The following ELF4 variants were observed in gnomAD, a reference collection of about 807,000 sequenced individuals.
ELF4 encodes ETS-related transcription factor Elf-4.
Under a neutral mutation model 31.7 loss-of-function variants are expected in ELF4, and 10 were observed. The ratio of observed to expected loss-of-function variants is 0.32; its 90% CI spans 0.19 to 0.54. ELF4 has a LOEUF of 0.54. Among genes scored for constraint, ELF4 ranks in the 20% least tolerant of loss-of-function variants. The pLI, the probability that ELF4 is intolerant of heterozygous loss-of-function variation, is 0.95. For synonymous variants in ELF4, 208 were observed against 226.7 expected (o/e 0.92, Z 0.74); for missense variants, 418 against 522.0 (o/e 0.80, Z 1.94).
chrX:130,072,822 G>A (rs976321630), intron 4 of ELF4, among the ~76,000 whole-genome samples: 2 of 112,057 alleles, frequency 1.8e-5, no homozygotes, highest in Non-Finnish European at 3.8e-5. Flanking sequence ...TGTGCCCAAG[G>A]TCACACAGCA....
In ELF4 at chrX:130,071,410, G is replaced by T; in HGVS notation, c.542C>A (p.Thr181Asn). 8.3e-7 allele frequency: 1 copy of T among 1,211,451 alleles called. No homozygotes were observed. The highest frequency in any genetic ancestry group is 1.1e-6 in the Non-Finnish European group (1 of 895,317). ...TGKSKKRIRK[T>N]KGNRSTSPVT... ...AGGTGAGGTACTTCGGTTGCCCTTG[G>T]TCTTCCGGACTATGAGGGAAAGGTG... The change falls in exon 6 of 9, where the codon ACC (threonine) becomes AAC (asparagine). Residue 181 changes from threonine (T) to asparagine (N), a missense_variant. Physicochemically the swap from Thr to Asn is moderately conservative, Grantham distance 65. Around this residue, in one of 4 missense-constraint regions of ELF4, gnomAD observed 88 missense variants for 92.4 expected, o/e 0.95. Coordinates refer to ENST00000308167, the MANE Select transcript of ELF4 (RefSeq NM_001421.4).
chrX:130,080,497 AC>A (rs1209823573), intron 2 of ELF4, among the ~76,000 whole-genome samples: 5 of 109,684 alleles, frequency 4.6e-5, no homozygotes, highest in Non-Finnish European at 9.5e-5. Context: ...TGGGATCGGA[AC>A]CCAGGGCTCC....
chrX:130,105,365 G>A (rs887841406), intron 1 of ELF4, among the ~76,000 whole-genome samples: 12 of 111,459 alleles, frequency 1.1e-4, no homozygotes, highest in African/African-American at 3.9e-4. Flanking sequence ...TCTCTTTGCC[G>A]AGAAACTCAC....
intron 1 of ELF4, among the ~76,000 whole-genome samples, chrX:130,082,132 G>C (rs972978453): frequency 1.8e-5 from 2 of 111,578 alleles, no homozygotes; most frequent in Non-Finnish European, 3.8e-5. Flanking sequence ...TTAGCTTTGA[G>C]GGGCCACATC....
chrX:130,068,840 C>T (rs1184669351), intron 8 of ELF4, among the ~76,000 whole-genome samples: 2 of 112,733 alleles, frequency 1.8e-5, no homozygotes, highest in Non-Finnish European at 3.8e-5. Flanking sequence ...GACTTCCCCT[C>T]TCTTGACCAA....
rs190859419 is a variant in ELF4, at chrX:130,086,469, C to A, written c.-209-4930G>T. Reference sequence around the variant, plus strand: ...GGAGGAGTGATTAGATGGCAGGTCCCAGGCAAAGAGATGCTTTTTCCTCTT... The same window carrying A: ...GGAGGAGTGATTAGATGGCAGGTCCAAGGCAAAGAGATGCTTTTTCCTCTT... On this transcript the variant is annotated intron_variant, in intron 1 of 8. Coordinates refer to ENST00000308167, the MANE Select transcript of ELF4 (RefSeq NM_001421.4). Among the ~76,000 whole-genome samples the A allele has an allele frequency of 3.1e-3, 346 of 112,094 alleles. 1 individual carries two copies. Among genetic ancestry groups the A allele is most frequent in the African/African-American group, 0.011 (330 of 30,835 alleles).
chrX:130,089,290 C>T (rs1933010423), intron 1 of ELF4, among the ~76,000 whole-genome samples: 1 of 107,554 alleles, frequency 9.3e-6, no homozygotes, highest in African/African-American at 3.4e-5. Flanking sequence ...ATTGCTTGAG[C>T]TCAGGAGTTC....
intron 7 of ELF4, among the ~76,000 whole-genome samples, chrX:130,070,787 A>AAAAG (rs3077208): frequency 0.073 from 6,697 of 92,111 alleles, 411 homozygotes; most frequent in South Asian, 0.13. Context: ...AAAAAAAAAA[A>AAAAG]AAAGAAAGAA....
rs1190132698 is a variant in ELF4, at chrX:130,072,172, C to G, written c.532+54G>C. Reference sequence around the variant, plus strand: ...CATCCATGAGCCCTGACCGCCCCCCCACGCCCCGCCCATCCCCTCGGAGAC... The same window carrying G: ...CATCCATGAGCCCTGACCGCCCCCCGACGCCCCGCCCATCCCCTCGGAGAC... On this transcript the variant is annotated intron_variant, in intron 5 of 8. Coordinates refer to ENST00000308167, the MANE Select transcript of ELF4 (RefSeq NM_001421.4). 175 of 1,147,961 alleles carry G rather than the reference C, an allele frequency of 1.5e-4. No individual in the cohort carries two copies. In the East Asian group the frequency reaches 3.9e-3, roughly 26 times the overall value. The allele number at this position is 1,147,961 out of a possible 1,213,427, so 94.6% of individuals were successfully genotyped here.
At position 130,066,543 on chromosome X, in the gene ELF4, G is replaced by A. The variant is rs1603195101; in HGVS notation, c.*178C>T. ...TCTTGAAGGCCATAGTCTGATGCCA[G>A]GGATGCTTAAGCTGGGCACTGTTTG... On this transcript the variant is annotated 3_prime_UTR_variant, in exon 9 of 9. Transcript: ENST00000308167. 1.6e-5 allele frequency: 8 copies of A among 504,268 alleles called. No individual in the cohort carries two copies. The East Asian group carries it at 2.7e-4, about 17-fold the overall frequency. The allele number at this position is 504,268 out of a possible 1,213,427, so 41.6% of individuals were successfully genotyped here. A position where few individuals can be genotyped will look rare whatever the true frequency, so the allele number is the denominator to read the frequency against.
At chrX:130,072,136 G>T in intron 5 of ELF4, 90 bp downstream of exon 5, 1 of 1,097,911 alleles carries the variant, frequency 9.1e-7, no homozygotes, top group Non-Finnish European at 1.3e-6. Context: ...CAGAGAGCTG[G>T]CCTCTTAACA....
intron 1 of ELF4, among the ~76,000 whole-genome samples, chrX:130,083,379 G>A (rs760626820): frequency 7.5e-4 from 76 of 101,159 alleles, no homozygotes; most frequent in African/African-American, 2.6e-3. Flanking sequence ...CAGCCTAAGC[G>A]CCCCAAGGCT....
rs963203022 is a variant in ELF4, at chrX:130,065,906, G to A, written c.*815C>T. The A allele has an allele frequency of 5.7e-6, 1 of 175,386 alleles. No individual in the cohort carries two copies. The highest frequency in any genetic ancestry group is 8.1e-5 in the East Asian group (1 of 12,368). The allele number at this position is 175,386 out of a possible 1,213,427, so 14.5% of individuals were successfully genotyped here. On this transcript the variant is annotated 3_prime_UTR_variant, in exon 9 of 9. Transcript: ENST00000308167. ...ATTCCAGCCTGACTGCAAGGTGACTGTGGTTGCTAACACGGCAAACTCCAG... is the reference window on the plus strand; with the variant it reads ...ATTCCAGCCTGACTGCAAGGTGACTATGGTTGCTAACACGGCAAACTCCAG...
rs1932887856 is a variant in ELF4, at chrX:130,081,426, C to T, written c.-96G>A. 6.7e-6 allele frequency: 6 copies of T among 897,993 alleles called. No homozygotes were observed. The highest frequency in any genetic ancestry group is 9.8e-6 in the Non-Finnish European group (6 of 614,906). The allele number at this position is 897,993 out of a possible 1,213,427, so 74.0% of individuals were successfully genotyped here. A position where few individuals can be genotyped will look rare whatever the true frequency, so the allele number is the denominator to read the frequency against. ...GGACAATACCCAGGTACTTTGGAGC[C>T]TAGAGCCTACCCCCTGAGCTGCAGT... On this transcript the variant is annotated 5_prime_UTR_variant, in exon 2 of 9. Transcript: ENST00000308167.
Position 130,069,569 on chromosome X carries a change from G to A in ELF4, c.918C>T (p.Ser306=), listed in dbSNP as rs947976154. 1 of 1,210,799 alleles carries A rather than the reference G, an allele frequency of 8.3e-7. No homozygotes were observed. The highest frequency in any genetic ancestry group is 1.8e-5 in the South Asian group (1 of 56,958). Reference sequence around the variant, plus strand: ...GAGGTGGGGCTGCTGTGGCTTCGCTGCTCTCATCCTCATCTTCAATGACCA... The same window carrying A: ...GAGGTGGGGCTGCTGTGGCTTCGCTACTCTCATCCTCATCTTCAATGACCA... ...DLVVIEDEDE[S]SEATAAPPQA... is the part of the protein sequence containing the mutation. The change falls in exon 8 of 9, where the codon AGC becomes AGT. Residue 306 remains serine, a synonymous_variant. Transcript: ENST00000308167.
chrX:130,102,907 AAAGAAAG>A (rs1933301258), intron 1 of ELF4, among the ~76,000 whole-genome samples: 1 of 105,376 alleles, frequency 9.5e-6, no homozygotes, highest in Non-Finnish European at 1.9e-5. Context: ...AGAAAGAAAG[AAAGAAAG>A]AAAGAAAGAG....
chrX:130,090,480 G>A (rs777214872), intron 1 of ELF4, among the ~76,000 whole-genome samples: 21 of 111,076 alleles, frequency 1.9e-4, no homozygotes, highest in South Asian at 3.8e-4. Context: ...CTCCACCTCC[G>A]TGCCTGTGTT....
intron 1 of ELF4, among the ~76,000 whole-genome samples, chrX:130,105,612 C>T (rs1001180375): frequency 9.0e-6 from 1 of 111,398 alleles, no homozygotes; most frequent in Non-Finnish European, 1.9e-5. Flanking sequence ...TAGTCCTTAG[C>T]GGTCTGGGCA....
chrX:130,107,395 T>C (rs976870558), intron 1 of ELF4, among the ~76,000 whole-genome samples: 3 of 112,083 alleles, frequency 2.7e-5, no homozygotes, highest in African/African-American at 9.7e-5. Flanking sequence ...GACCAGAATC[T>C]GGCCAGGGTC....
Sources: allele counts gnomAD v4.1 joint callset (sites outside exome capture counted in the v4.1 genomes callset), GRCh38; gene constraint gnomAD v4.1.1; regional missense constraint gnomAD v4.1.1; transcripts MANE v1.5; gene names NCBI Gene and HGNC (gene_info 2026-07-23, HGNC 2026-07-21).